The following KAZN variants were observed in gnomAD, a reference collection of about 807,000 sequenced individuals.
The protein encoded by KAZN is kazrin, periplakin interacting protein, also known as kazrin.
Under a neutral mutation model 87.4 loss-of-function variants are expected in KAZN, and 40 were observed. The observed-to-expected ratio is 0.46, with a 90% CI of 0.36 to 0.60. The LOEUF (loss-of-function observed/expected upper bound fraction) is 0.60, where lower values mean the gene tolerates loss of function less well. Among genes scored for constraint, KAZN ranks in the 20% least tolerant of loss-of-function variants. The pLI, the probability that KAZN is intolerant of heterozygous loss-of-function variation, is 0.00. For synonymous variants in KAZN, 466 were observed against 458.3 expected, an observed-to-expected ratio of 1.02 and a Z score of -0.22; for missense variants, 898 against 1,073.9, an observed-to-expected ratio of 0.84 and a Z score of 2.29.
Position 15,094,946 on chromosome 1 carries a change from C to A in KAZN, c.1547+13C>A. 6.5e-7 allele frequency: 1 copy of A among 1,533,916 alleles called. No homozygotes were observed. The highest frequency in any genetic ancestry group is 1.4e-5 in the African/African-American group (1 of 72,650). ...AGGCAGGCCGCAGGTGAGCCCACCA[C>A]GAGGGGCCCCGGGGGAGGAGAGAAA... is the stretch of plus-strand genomic sequence containing the variant. On this transcript the variant is annotated intron_variant, in intron 10 of 14. Coordinates refer to ENST00000376030, the MANE Select transcript of KAZN (RefSeq NM_201628.3). The surrounding 1 kb of genome is among the most constrained non-coding windows in gnomAD (Gnocchi z 4.5).
At chr1:14,591,496 A>C (rs1676201198) in intron 2 of KAZN, among the ~76,000 whole-genome samples, 1 of 151,984 alleles carries the variant, frequency 6.6e-6, no homozygotes, top group Non-Finnish European at 1.5e-5. Context: ...CACTTCTACC[A>C]AGGAATTAGA....
intron 2 of KAZN, among the ~76,000 whole-genome samples, chr1:14,441,983 T>A (rs1666732154): frequency 1.3e-5 from 2 of 152,082 alleles, no homozygotes; most frequent in African/African-American, 4.8e-5. Flanking sequence ...CCATGTAGGG[T>A]TGAGCAGGTT....
intron 1 of KAZN, among the ~76,000 whole-genome samples, chr1:14,909,382 G>A (rs537993119): frequency 5.5e-4 from 84 of 152,238 alleles, no homozygotes; most frequent in Non-Finnish European, 8.7e-4. Context: ...GCTTGTCTTG[G>A]AGACCCCTTA....
intron 1 of KAZN, among the ~76,000 whole-genome samples, chr1:14,024,019 A>G (rs1009101922): frequency 3.9e-5 from 6 of 152,152 alleles, no homozygotes; most frequent in Non-Finnish European, 5.9e-5. Flanking sequence ...GTCCCACCCA[A>G]AGAGCCAGAG....
chr1:14,414,918 T>C (rs1480039680), intron 2 of KAZN, among the ~76,000 whole-genome samples: 3 of 152,102 alleles, frequency 2.0e-5, no homozygotes, highest in Non-Finnish European at 4.4e-5. Context: ...CCCAGCTACT[T>C]GGGAGGCTGA....
chr1:14,504,488 C>A (rs10803285), intron 2 of KAZN, among the ~76,000 whole-genome samples: 73,386 of 152,014 alleles, frequency 0.48, 18,153 homozygotes, highest in South Asian at 0.64. Context: ...GAGTTCTCGT[C>A]GGCAAACTGA....
chr1:14,213,313 CT>C (rs2100461464), intron 2 of KAZN, among the ~76,000 whole-genome samples: 1 of 152,284 alleles, frequency 6.6e-6, no homozygotes, highest in East Asian at 1.9e-4. Flanking sequence ...CTAAGACTCC[CT>C]CTTCCTCCCA....
intron 1 of KAZN, among the ~76,000 whole-genome samples, chr1:14,750,850 A>T (rs1644395348): frequency 6.6e-6 from 1 of 152,168 alleles, no homozygotes; most frequent in Non-Finnish European, 1.5e-5. Flanking sequence ...TCCCATCATG[A>T]GGCTATCACC....
intron 1 of KAZN, among the ~76,000 whole-genome samples, chr1:14,048,887 A>T (rs910263970): frequency 7.9e-5 from 12 of 152,186 alleles, no homozygotes; most frequent in Non-Finnish European, 1.2e-4. Flanking sequence ...AGTCCCACCA[A>T]CAGTGTAAAA....
At chr1:14,465,359 A>C (rs1668065831) in intron 2 of KAZN, among the ~76,000 whole-genome samples, 2 of 139,298 alleles carry the variant, frequency 1.4e-5, no homozygotes, top group Non-Finnish European at 1.5e-5. Flanking sequence ...AGATTGTGCC[A>C]CTGCACTCCA....
At chr1:14,533,874 C>T (rs1010986276) in intron 2 of KAZN, among the ~76,000 whole-genome samples, 1 of 152,170 alleles carries the variant, frequency 6.6e-6, no homozygotes. Context: ...TGCTCACATA[C>T]AAGAGTCAGG....
At chr1:15,009,184 G>A (rs1470583901) in intron 2 of KAZN, among the ~76,000 whole-genome samples, 3 of 152,194 alleles carry the variant, frequency 2.0e-5, no homozygotes, top group Admixed American at 1.3e-4. Flanking sequence ...TCCTGGGCAC[G>A]TCCTGCAAAG....
chr1:14,541,981 C>G lies in KAZN; in HGVS notation c.250-57002C>G, dbSNP rs141364131. On this transcript the variant is annotated intron_variant, in intron 2 of 16. Coordinates refer to the KAZN transcript ENST00000636203. ...GAGGCCTGTTGAGGCGATTGTCAGCCTCTCTGATACAGCATAGAACATTTC... is the reference window on the plus strand; with the variant it reads ...GAGGCCTGTTGAGGCGATTGTCAGCGTCTCTGATACAGCATAGAACATTTC... Among the ~76,000 whole-genome samples, 3 of 152,260 alleles carry G rather than the reference C, an allele frequency of 2.0e-5. No homozygotes were observed. In the East Asian group the frequency reaches 5.8e-4, roughly 29 times the overall value.
chr1:14,123,243 A>C (rs191603933), intron 1 of KAZN, among the ~76,000 whole-genome samples: 3 of 152,314 alleles, frequency 2.0e-5, no homozygotes, highest in East Asian at 3.9e-4. Context: ...CATAAAATGA[A>C]ACACACAGAG....
At chr1:15,095,027 G>GTCCCCCACCACCTGGTTC in intron 10 of KAZN, 94 bp downstream of exon 10, 1 of 835,010 alleles carries the variant, frequency 1.2e-6, no homozygotes, top group Non-Finnish European at 1.9e-6. Context: ...ACTGTGGGCT[G>GTCCCCCACCACCTGGTTC]AACCAGGTGG....
intron 1 of KAZN, among the ~76,000 whole-genome samples, chr1:14,710,399 C>T (rs1572281282): frequency 6.6e-6 from 1 of 152,180 alleles, no homozygotes; most frequent in Admixed American, 6.5e-5. Flanking sequence ...CAGAGGCTCC[C>T]TCTCAGAGAA....
chr1:15,013,141 C>T (rs7536670), intron 2 of KAZN, among the ~76,000 whole-genome samples: 1 of 152,066 alleles, frequency 6.6e-6, no homozygotes, highest in South Asian at 2.1e-4. Context: ...AGGCCTCCCT[C>T]CTGTAGACTC....
intron 2 of KAZN, among the ~76,000 whole-genome samples, chr1:14,977,061 A>AAAACAAAC (rs1053668099): frequency 2.0e-5 from 3 of 152,164 alleles, no homozygotes; most frequent in African/African-American, 7.2e-5. Flanking sequence ...TCTCAAATTA[A>AAAACAAAC]AAACAAACAA....
At chr1:14,669,738 G>A (rs1639801729) in intron 1 of KAZN, among the ~76,000 whole-genome samples, 1 of 152,124 alleles carries the variant, frequency 6.6e-6, no homozygotes, top group Non-Finnish European at 1.5e-5. Flanking sequence ...CAAAATGAGA[G>A]CCTGTCTCTA....
Sources: gnomAD v4.1 joint callset for allele counts (sites outside exome capture counted in the v4.1 genomes callset) on GRCh38, gnomAD v4.1.1 for gene constraint, Gnocchi (gnomAD v3.1) non-coding constraint, MANE v1.5 for transcripts, NCBI Gene and HGNC (gene_info 2026-07-23, HGNC 2026-07-21) for gene names.